ZCCHC7: variants seen among roughly 807,000 people sequenced by gnomAD.
The protein encoded by ZCCHC7 is zinc finger CCHC-type containing 7.
Under a neutral mutation model 52.0 loss-of-function variants are expected in ZCCHC7, and 35 were observed. That is an observed-to-expected ratio of 0.67 (90% confidence interval 0.51 to 0.89). The LOEUF (loss-of-function observed/expected upper bound fraction) is 0.89. ZCCHC7 is among the 40% of genes least tolerant of loss of function. The pLI, the probability that ZCCHC7 is intolerant of heterozygous loss-of-function variation, is 0.00. For missense variants in ZCCHC7, 574 were observed against 649.1 expected (o/e 0.88, Z 1.26); for synonymous variants, 217 against 221.5 (o/e 0.98, Z 0.18).
At chr9:37,285,303 A>G (rs1828155263) in intron 2 of ZCCHC7, among the ~76,000 whole-genome samples, 1 of 152,144 alleles carries the variant, frequency 6.6e-6, no homozygotes, top group Non-Finnish European at 1.5e-5. Context: ...ATTACTCAAT[A>G]TGTCTTGGAA....
chr9:37,231,386 T>A (rs1039338058), intron 2 of ZCCHC7, among the ~76,000 whole-genome samples: 2 of 152,218 alleles, frequency 1.3e-5, no homozygotes, highest in Non-Finnish European at 2.9e-5. Context: ...TTTTTAAATA[T>A]CAGCTGGCGT....
chr9:37,353,605 G>A (rs1405849586), intron 7 of ZCCHC7, among the ~76,000 whole-genome samples: 3 of 152,050 alleles, frequency 2.0e-5, no homozygotes, highest in East Asian at 1.9e-4. Context: ...ATTCTTGGGG[G>A]AAAAACAGGC....
chr9:37,322,193 G>C (rs1349737272), intron 5 of ZCCHC7: 3 of 152,032 alleles, frequency 2.0e-5, no homozygotes, highest in African/African-American at 7.2e-5. Context: ...CCAGTTAGAT[G>C]GTTCCCAGAA....
chr9:37,341,555 A>G (rs970323467), intron 6 of ZCCHC7, among the ~76,000 whole-genome samples: 8 of 152,164 alleles, frequency 5.3e-5, no homozygotes, highest in African/African-American at 1.9e-4. Flanking sequence ...GGGAGTGGAT[A>G]GGTAGTAAAC....
chr9:37,220,345 A>T (rs1424475305), intron 2 of ZCCHC7, among the ~76,000 whole-genome samples: 1 of 152,170 alleles, frequency 6.6e-6, no homozygotes, highest in African/African-American at 2.4e-5. Context: ...GTTCTAGACC[A>T]GCCTGGCCAA....
At chr9:37,326,686 T>G (rs1830256770) in intron 5 of ZCCHC7, among the ~76,000 whole-genome samples, 1 of 152,034 alleles carries the variant, frequency 6.6e-6, no homozygotes, top group Non-Finnish European at 1.5e-5. Flanking sequence ...ATCATAGCCA[T>G]GATATTTTCA....
intron 2 of ZCCHC7, among the ~76,000 whole-genome samples, chr9:37,208,424 C>A (rs546610299): frequency 7.9e-5 from 12 of 152,310 alleles, no homozygotes; most frequent in African/African-American, 2.9e-4. Context: ...AGATTGCCTT[C>A]ACCAACCCTT....
At chr9:37,306,349 G>C (rs1441096474) in intron 5 of ZCCHC7, among the ~76,000 whole-genome samples, 1 of 151,442 alleles carries the variant, frequency 6.6e-6, no homozygotes, top group Non-Finnish European at 1.5e-5. Flanking sequence ...GATTGCAGGC[G>C]TGAGCCACTG....
chr9:37,239,986 G>A (rs624827), intron 2 of ZCCHC7, among the ~76,000 whole-genome samples: 2 of 152,062 alleles, frequency 1.3e-5, no homozygotes, highest in South Asian at 2.1e-4. Flanking sequence ...ATGTTTGACA[G>A]TTTCCCTGGG....
chr9:37,350,423 C>T (rs899395860), intron 7 of ZCCHC7, among the ~76,000 whole-genome samples: 13 of 152,196 alleles, frequency 8.5e-5, no homozygotes, highest in Admixed American at 2.0e-4. Flanking sequence ...TGAGCCACTG[C>T]GCCCGGCCCA....
In ZCCHC7 at chr9:37,304,867, T is replaced by C. The variant is rs1829227912; in HGVS notation, c.780+554T>C. On this transcript the variant is annotated intron_variant, in intron 4 of 8. Coordinates refer to ENST00000336755, the MANE Select transcript of ZCCHC7 (RefSeq NM_032226.3). ...ACCCTCTGTGCTTCTTGTTTTCTTG[T>C]CTATAAAATGAAAAGATTGAATCAG... Among the ~76,000 whole-genome samples, 2 of 152,218 alleles carry C rather than the reference T, an allele frequency of 1.3e-5. 1 individual carries two copies. Among genetic ancestry groups the C allele is most frequent in the South Asian group, 4.1e-4 (2 of 4,834 alleles).
chr9:37,137,399 G>C (rs1197924786), intron 2 of ZCCHC7, among the ~76,000 whole-genome samples: 4 of 152,218 alleles, frequency 2.6e-5, no homozygotes, highest in Admixed American at 2.6e-4. Flanking sequence ...GAAGCCCTTA[G>C]TAGAAACTGA....
chr9:37,134,889 C>A (rs931176596), intron 2 of ZCCHC7, among the ~76,000 whole-genome samples: 2 of 152,114 alleles, frequency 1.3e-5, no homozygotes, highest in African/African-American at 4.8e-5. Context: ...CCATGCCCAG[C>A]TAATTTTTGT....
At chr9:37,307,215 G>A (rs1015668177) in intron 5 of ZCCHC7, among the ~76,000 whole-genome samples, 2 of 152,160 alleles carry the variant, frequency 1.3e-5, no homozygotes, top group African/African-American at 2.4e-5. Flanking sequence ...TGTTGTAAAT[G>A]TATATGGAGT....
intron 6 of ZCCHC7, among the ~76,000 whole-genome samples, chr9:37,328,960 C>CAT (rs1366321569): frequency 6.6e-6 from 1 of 151,888 alleles, no homozygotes; most frequent in East Asian, 1.9e-4. Flanking sequence ...AAAATATATA[C>CAT]ATACCCATGT....
At chr9:37,313,280 A>G (rs964512240) in intron 5 of ZCCHC7, among the ~76,000 whole-genome samples, 2 of 151,484 alleles carry the variant, frequency 1.3e-5, no homozygotes, top group Admixed American at 6.6e-5. Flanking sequence ...TAACTGAGAG[A>G]TCAGACTACT....
At chr9:37,160,724 C>T (rs1821051742) in intron 2 of ZCCHC7, among the ~76,000 whole-genome samples, 1 of 151,746 alleles carries the variant, frequency 6.6e-6, no homozygotes, top group South Asian at 2.1e-4. Context: ...CGTCTGTACT[C>T]AAAATACAAA....
chr9:37,257,248 T>C (rs1826635903), intron 2 of ZCCHC7, among the ~76,000 whole-genome samples: 1 of 152,204 alleles, frequency 6.6e-6, no homozygotes, highest in African/African-American at 2.4e-5. Flanking sequence ...GTGGTTAACC[T>C]TTGTTTCTCC....
chr9:37,177,041 C>T (rs951477869), intron 2 of ZCCHC7, among the ~76,000 whole-genome samples: 2 of 152,074 alleles, frequency 1.3e-5, no homozygotes, highest in African/African-American at 2.4e-5. Context: ...TTTGTACTGG[C>T]TTTAAAAGCA....
Sources: allele counts gnomAD v4.1 joint callset (sites outside exome capture counted in the v4.1 genomes callset), GRCh38; gene constraint gnomAD v4.1.1; transcripts MANE v1.5; gene names NCBI Gene and HGNC (gene_info 2026-07-23, HGNC 2026-07-21).